Variants in PAPSS1 observed in about 807,000 individuals in gnomAD.
The protein encoded by PAPSS1 is 3'-phosphoadenosine 5'-phosphosulfate synthase 1.
In PAPSS1, 50 loss-of-function variants were observed where a neutral mutation model predicts 72.0. That is an observed-to-expected ratio of 0.69 (90% CI 0.55 to 0.88). The LOEUF is 0.88. Ranked by LOEUF, PAPSS1 falls within the 40% of genes least tolerant of loss-of-function variation. The probability of loss-of-function intolerance (pLI) is 0.00; values close to 1 mark genes in which losing one functional copy is unlikely to be tolerated. For synonymous variants in PAPSS1, 261 were observed against 263.6 expected (o/e 0.99, Z 0.09); for missense variants, 657 against 782.2 (o/e 0.84, Z 1.91).
chr4:107,704,181 C>G (rs947316972), intron 1 of PAPSS1, among the ~76,000 whole-genome samples: 14 of 152,164 alleles, frequency 9.2e-5, no homozygotes, highest in African/African-American at 3.1e-4. Flanking sequence ...TACTACTTTT[C>G]TAATGTTGAG....
intron 3 of PAPSS1, among the ~76,000 whole-genome samples, chr4:107,689,832 C>T (rs1249686918): frequency 6.6e-6 from 1 of 152,098 alleles, no homozygotes; most frequent in East Asian, 1.9e-4. Flanking sequence ...CAAACATAAC[C>T]CACCAAAAAT....
intron 10 of PAPSS1, among the ~76,000 whole-genome samples, chr4:107,632,405 A>G (rs1362694309): frequency 6.6e-6 from 1 of 152,096 alleles, no homozygotes; most frequent in Non-Finnish European, 1.5e-5. Context: ...GTTAAAAAAA[A>G]AACCCTGTTG....
intron 1 of PAPSS1, among the ~76,000 whole-genome samples, chr4:107,701,751 A>C (rs1723209625): frequency 6.6e-6 from 1 of 152,188 alleles, no homozygotes; most frequent in Non-Finnish European, 1.5e-5. Flanking sequence ...CTTAACTACA[A>C]CATCAGAGAG....
At chr4:107,667,398 GGGACAGGGTAGGGA>G (rs1166495205) in intron 5 of PAPSS1, among the ~76,000 whole-genome samples, 1 of 152,120 alleles carries the variant, frequency 6.6e-6, no homozygotes, top group Non-Finnish European at 1.5e-5. Flanking sequence ...ACCTGGTGTG[GGGACAGGGTAGGGA>G]GGTGGGAAAC....
intron 3 of PAPSS1, among the ~76,000 whole-genome samples, chr4:107,691,687 G>T (rs1722922016): frequency 6.6e-6 from 1 of 152,172 alleles, no homozygotes; most frequent in African/African-American, 2.4e-5. Context: ...TCTTCTACAA[G>T]TATAGTGTGT....
In PAPSS1 at chr4:107,681,622, GA is replaced by G. The variant is rs752652011; in HGVS notation, c.669+392del. ...AAGGAGATCATCATGTTATCACAAG[GA>G]AAATGTGGGCACTCTAAATATCTAA... On this transcript the variant is annotated intron_variant, in intron 5 of 11. Transcript: ENST00000265174. Among the ~76,000 whole-genome samples the G allele has an allele frequency of 8.0e-4, 122 of 152,200 alleles. 1 individual carries two copies. The highest frequency in any genetic ancestry group is 3.0e-3 in the Admixed American group (46 of 15,276).
At position 107,685,114 on chromosome 4, in the gene PAPSS1, G is replaced by A. The variant is rs140698327; in HGVS notation, c.550+1925C>T. Among the ~76,000 whole-genome samples, 78 of 152,160 alleles carry A rather than the reference G, an allele frequency of 5.1e-4. 1 individual carries two copies. Among genetic ancestry groups the A allele is most frequent in the Admixed American group, 9.8e-4 (15 of 15,282 alleles). On this transcript the variant is annotated intron_variant, in intron 4 of 11. Coordinates refer to ENST00000265174, the MANE Select transcript of PAPSS1 (RefSeq NM_005443.5). The stretch of plus-strand genomic sequence containing the variant: ...AGAGACGGGGTTTCACCGTGTTAGC[G>A]AGGATGGTCTCGAATCTCTTCAAAT...
intron 10 of PAPSS1, among the ~76,000 whole-genome samples, chr4:107,632,712 G>A (rs1726255133): frequency 6.6e-6 from 1 of 152,160 alleles, no homozygotes; most frequent in Non-Finnish European, 1.5e-5. Context: ...TGAAGAAAGT[G>A]AAGCCCCCGA....
At chr4:107,635,590 A>C (rs1726353666) in intron 10 of PAPSS1, among the ~76,000 whole-genome samples, 1 of 152,168 alleles carries the variant, frequency 6.6e-6, no homozygotes, top group African/African-American at 2.4e-5. Context: ...ATCTCCTACA[A>C]ACTGTTTTTA....
intron 5 of PAPSS1, among the ~76,000 whole-genome samples, chr4:107,668,539 C>T (rs1015619901): frequency 6.6e-6 from 1 of 152,088 alleles, no homozygotes; most frequent in Non-Finnish European, 1.5e-5. Context: ...TCTGGGTAGG[C>T]ACCATCTAAT....
intron 10 of PAPSS1, among the ~76,000 whole-genome samples, chr4:107,633,605 T>C (rs373187143): frequency 9.5e-4 from 144 of 152,014 alleles, no homozygotes; most frequent in African/African-American, 3.3e-3. Flanking sequence ...TGGTGGATGA[T>C]GGAAATGGCA....
intron 1 of PAPSS1, among the ~76,000 whole-genome samples, chr4:107,712,111 A>G (rs1009452996): frequency 1.3e-5 from 2 of 152,218 alleles, no homozygotes; most frequent in African/African-American, 4.8e-5. Context: ...TAAAGATTAA[A>G]GAACTTCTAA....
intron 6 of PAPSS1, among the ~76,000 whole-genome samples, chr4:107,657,369 C>T (rs1727041450): frequency 6.6e-6 from 1 of 152,062 alleles, no homozygotes. Flanking sequence ...AAAATGTTCC[C>T]AGAAAATGAT....
chr4:107,681,055 T>C (rs1722565888), intron 5 of PAPSS1, among the ~76,000 whole-genome samples: 1 of 152,232 alleles, frequency 6.6e-6, no homozygotes, highest in East Asian at 1.9e-4. Context: ...TTATAATATA[T>C]TCAGACAAAG....
At chr4:107,718,672 GTC>G (rs1199248732) in intron 1 of PAPSS1, among the ~76,000 whole-genome samples, 1 of 152,206 alleles carries the variant, frequency 6.6e-6, no homozygotes, top group Non-Finnish European at 1.5e-5. Flanking sequence ...TCTAGCACAA[GTC>G]TCTACATAGA....
Position 107,621,429 on chromosome 4 carries a change from T to C in PAPSS1, c.1737-7042A>G, listed in dbSNP as rs77424632. 2.9e-3 allele frequency among the ~76,000 whole-genome samples: 439 copies of C among 152,140 alleles called. 1 individual carries two copies. Among genetic ancestry groups the C allele is most frequent in the Admixed American group, 8.2e-3 (126 of 15,288 alleles). On this transcript the variant is annotated intron_variant, in intron 11 of 11. Coordinates refer to ENST00000265174, the MANE Select transcript of PAPSS1 (RefSeq NM_005443.5). ...AACCACACAAAAAGTATTGGTGACA[T>C]AGGTGTTAATTTTCTCTTTTTAAAT...
chr4:107,668,493 G>C (rs1174645819), intron 5 of PAPSS1, among the ~76,000 whole-genome samples: 1 of 152,162 alleles, frequency 6.6e-6, no homozygotes, highest in African/African-American at 2.4e-5. Flanking sequence ...ATTAACATTT[G>C]AGTCAGTGGG....
intron 1 of PAPSS1, among the ~76,000 whole-genome samples, chr4:107,712,623 C>T (rs906249481): frequency 6.6e-6 from 1 of 152,082 alleles, no homozygotes; most frequent in Admixed American, 6.5e-5. Context: ...GCTTGTAATC[C>T]CAGCACTTTG....
chr4:107,669,413 A>C (rs931575112), intron 5 of PAPSS1, among the ~76,000 whole-genome samples: 7 of 152,234 alleles, frequency 4.6e-5, no homozygotes, highest in African/African-American at 1.7e-4. Flanking sequence ...TCTACATCAT[A>C]GTATAAAAGA....
Sources: allele counts gnomAD v4.1 joint callset (sites outside exome capture counted in the v4.1 genomes callset), GRCh38; gene constraint gnomAD v4.1.1; transcripts MANE v1.5; gene names NCBI Gene and HGNC (gene_info 2026-07-23, HGNC 2026-07-21).